Variants in SLC24A1 observed in about 807,000 individuals in gnomAD.
SLC24A1 encodes solute carrier family 24 member 1.
A neutral mutation model predicts 88.1 loss-of-function variants in SLC24A1; 52 were observed. The observed-to-expected ratio is 0.59, with a 90% CI of 0.47 to 0.74. The LOEUF is 0.74. Among genes scored for constraint, SLC24A1 ranks in the 30% least tolerant of loss-of-function variants. The pLI is 0.00. For missense variants in SLC24A1, 1,173 were observed against 1,363.3 expected, an observed-to-expected ratio of 0.86 and a Z score of 2.20; for synonymous variants, 455 against 498.0, an observed-to-expected ratio of 0.91 and a Z score of 1.15.
chr15:65,654,640 T>C lies in SLC24A1; in HGVS notation c.*561T>C, dbSNP rs2075614305. On this transcript the variant is annotated 3_prime_UTR_variant, in exon 10 of 10. Coordinates refer to ENST00000261892, the MANE Select transcript of SLC24A1 (RefSeq NM_004727.3). Reference sequence around the variant, plus strand: ...TCCAAGGCTACAGAAAAAAAAGAAATATAACAGGAATTAATGATCATTCCA... The same window carrying C: ...TCCAAGGCTACAGAAAAAAAAGAAACATAACAGGAATTAATGATCATTCCA... The C allele has an allele frequency of 7.9e-7, 1 of 1,267,486 alleles. No homozygotes were observed. The highest frequency in any genetic ancestry group is 1.0e-6 in the Non-Finnish European group (1 of 982,348). The allele number at this position is 1,267,486 out of a possible 1,614,324, so 78.5% of individuals were successfully genotyped here. A position where few individuals can be genotyped will look rare whatever the true frequency, so the allele number is the denominator to read the frequency against.
intron 2 of SLC24A1, among the ~76,000 whole-genome samples, chr15:65,628,240 T>G (rs2141494268): frequency 6.6e-6 from 1 of 152,330 alleles, no homozygotes; most frequent in South Asian, 2.1e-4. Flanking sequence ...GTTACAGTCA[T>G]GAACCACCAC....
intron 2 of SLC24A1, among the ~76,000 whole-genome samples, chr15:65,633,402 G>C (rs1816669245): frequency 1.3e-5 from 2 of 152,226 alleles, no homozygotes; most frequent in Non-Finnish European, 1.5e-5. Flanking sequence ...CCTCATGCCT[G>C]TAATTCCAGC....
Position 65,655,156 on chromosome 15 carries a change from C to T in SLC24A1, c.*1077C>T. The T allele has an allele frequency of 1.0e-6, 1 of 990,612 alleles. No homozygotes were observed. Among genetic ancestry groups the T allele is most frequent in the Non-Finnish European group, 1.2e-6 (1 of 833,258 alleles). The allele number at this position is 990,612 out of a possible 1,614,324, so 61.4% of individuals were successfully genotyped here. On this transcript the variant is annotated 3_prime_UTR_variant, in exon 10 of 10. Transcript: ENST00000261892. ...ATTCTAATGGAATGTCCTGGCTCCA[C>T]CCTCCAGCATGTTCTCACCCAACAA...
chr15:65,611,536 C>G (rs1178497121), exon 1 of SLC24A1: 2 of 311,568 alleles, frequency 6.4e-6, no homozygotes. Context: ...TGGGCCCCGT[C>G]GGTGCACGAG....
chr15:65,612,721 T>C (rs2074001464), intron 2 of SLC24A1: 1 of 152,200 alleles, frequency 6.6e-6, no homozygotes, highest in Admixed American at 6.5e-5. Context: ...TTACCCCTAA[T>C]GTGACAACGA....
chr15:65,637,886 CAGTT>C (rs1284985317), intron 2 of SLC24A1, among the ~76,000 whole-genome samples: 1 of 152,156 alleles, frequency 6.6e-6, no homozygotes, highest in Non-Finnish European at 1.5e-5. Context: ...AACCCAAAGA[CAGTT>C]GGTGCCACTG....
In SLC24A1 at chr15:65,650,608, A is replaced by G. The variant is rs1054008196; in HGVS notation, c.2459A>G (p.Glu820Gly). ...GGTGAAATCCACGCAGAAGATGGTG[A>G]AATGAAAGGTAATGAAGGTGAAACT... ...DEGEIHAEDG[E>G]MKGNEGETES... The change falls in exon 7 of 10, where the codon GAA becomes GGA. Residue 820 changes from glutamate (E) to glycine (G), a missense_variant. Physicochemically the swap from Glu to Gly is moderately conservative, Grantham distance 98. Transcript: ENST00000261892. The surrounding 1 kb of genome is among the most constrained non-coding windows in gnomAD (Gnocchi z 4.1). The G allele has an allele frequency of 3.2e-6, 5 of 1,551,788 alleles. No individual in the cohort carries two copies. In the African/African-American group the frequency reaches 6.9e-5, roughly 21 times the overall value.
intron 2 of SLC24A1, among the ~76,000 whole-genome samples, chr15:65,632,299 A>G (rs949323092): frequency 1.2e-4 from 18 of 152,252 alleles, no homozygotes; most frequent in Non-Finnish European, 2.5e-4. Context: ...AGACAGAATC[A>G]TCTGGACTTG....
At chr15:65,639,193 A>C (rs1474617869) in intron 3 of SLC24A1, among the ~76,000 whole-genome samples, 1 of 152,124 alleles carries the variant, frequency 6.6e-6, no homozygotes, top group African/African-American at 2.4e-5. Flanking sequence ...GGCAATGATA[A>C]AACGTGATAA....
downstream of SLC24A1, chr15:65,660,386 T>C (rs1397708386): frequency 8.1e-7 from 1 of 1,227,994 alleles, no homozygotes; most frequent in Non-Finnish European, 1.2e-6. Flanking sequence ...GACTCCAAGA[T>C]ACCTCCAGTC....
At chr15:65,623,923 T>C in intron 1 of SLC24A1, 32 bp from the exon 2 acceptor site, 1 of 600,262 alleles carries the variant, frequency 1.7e-6, no homozygotes, top group Non-Finnish European at 2.9e-6. Flanking sequence ...CTCCTCTTAG[T>C]GGTAAATAAT....
At chr15:65,615,235 A>G (rs1246201105) in intron 2 of SLC24A1, among the ~76,000 whole-genome samples, 1 of 151,734 alleles carries the variant, frequency 6.6e-6, no homozygotes, top group Non-Finnish European at 1.5e-5. Flanking sequence ...AACAAACAAA[A>G]TGCTATGAAG....
intron 1 of SLC24A1, 78 bp from the exon 2 acceptor site, chr15:65,623,877 A>T: frequency 2.0e-6 from 1 of 508,688 alleles, no homozygotes; most frequent in Non-Finnish European, 3.4e-6. Context: ...TTCTATTATC[A>T]CTTTTTTCTA....
At chr15:65,619,321 T>C (rs1207687172), upstream of SLC24A1, among the ~76,000 whole-genome samples, 1 of 152,200 alleles carries the variant, frequency 6.6e-6, no homozygotes, top group Non-Finnish European at 1.5e-5. Flanking sequence ...AAGCAGTACC[T>C]GTAGGTTAAA....
chr15:65,650,774 G>A lies in SLC24A1; in HGVS notation c.2625G>A (p.Glu875=), dbSNP rs1246635459. ...AAGAGCAGGAGGAAGAGGAGGAGGAGGAAGAGCAGGAGGAAGAGGAGGAGG... is the reference window on the plus strand; with the variant it reads ...AAGAGCAGGAGGAAGAGGAGGAGGAAGAAGAGCAGGAGGAAGAGGAGGAGG... ...EEEEQEEEEE[E]EEQEEEEEEE... The change falls in exon 7 of 10, where the codon GAG becomes GAA. Residue 875 remains glutamate (E), a synonymous_variant. Coordinates refer to ENST00000261892, the MANE Select transcript of SLC24A1 (RefSeq NM_004727.3). This position sits in a 1 kb window ranked among gnomAD's most constrained non-coding sequence, Gnocchi z 4.1. The A allele has an allele frequency of 6.2e-7, 1 of 1,611,384 alleles. No individual in the cohort carries two copies. The highest frequency in any genetic ancestry group is 8.5e-7 in the Non-Finnish European group (1 of 1,178,842).
At chr15:65,659,351 T>A (rs2075785142), downstream of SLC24A1, 2 of 133,312 alleles carry the variant, frequency 1.5e-5, no homozygotes, top group African/African-American at 6.3e-5. Flanking sequence ...TTTTTTTTTT[T>A]GAGACAGGGT....
chr15:65,650,561 A>G lies in SLC24A1; in HGVS notation c.2412A>G (p.Gly804=), dbSNP rs2075461413. The change falls in exon 7 of 10, where the codon GGA becomes GGG. Residue 804 remains glycine (G), a synonymous_variant. Coordinates refer to ENST00000261892, the MANE Select transcript of SLC24A1 (RefSeq NM_004727.3). The surrounding 1 kb of genome is among the most constrained non-coding windows in gnomAD (Gnocchi z 4.1). ...ATGAAAATGAAGCAGAAGGAAAAGGAGACAATGAAGGTGAAGATGAGGGTG... is the reference window on the plus strand; with the variant it reads ...ATGAAAATGAAGCAGAAGGAAAAGGGGACAATGAAGGTGAAGATGAGGGTG... The part of the protein sequence containing the change: ...CEDENEAEGK[G]DNEGEDEGEI... The G allele has an allele frequency of 1.3e-6, 2 of 1,551,932 alleles. No individual in the cohort carries two copies. Among genetic ancestry groups the G allele is most frequent in the Non-Finnish European group, 1.7e-6 (2 of 1,147,042 alleles).
intron 5 of SLC24A1, 101 bp from the exon 6 acceptor site, chr15:65,645,511 T>A (rs1449466098): frequency 5.9e-6 from 5 of 851,082 alleles, no homozygotes; most frequent in Non-Finnish European, 9.7e-6. Flanking sequence ...TCAGAAACCC[T>A]GAAGTCCAAT....
At chr15:65,613,416 A>G (rs893984904) in intron 2 of SLC24A1, among the ~76,000 whole-genome samples, 7 of 152,114 alleles carry the variant, frequency 4.6e-5, no homozygotes, top group Non-Finnish European at 8.8e-5. Flanking sequence ...TGCCAAGTGA[A>G]ATGGAAATGA....
Sources: allele counts gnomAD v4.1 joint callset (sites outside exome capture counted in the v4.1 genomes callset), GRCh38; gene constraint gnomAD v4.1.1; non-coding constraint Gnocchi (gnomAD v3.1); transcripts MANE v1.5; gene names NCBI Gene and HGNC (gene_info 2026-07-23, HGNC 2026-07-21).